The following KIAA1328 variants were observed in gnomAD, a reference collection of about 807,000 sequenced individuals.
KIAA1328 encodes the protein KIAA1328.
Under a neutral mutation model 68.1 loss-of-function variants are expected in KIAA1328, and 52 were observed. The ratio of observed to expected loss-of-function variants is 0.76; its 90% CI spans 0.61 to 0.96. The LOEUF (loss-of-function observed/expected upper bound fraction) is 0.96. KIAA1328 is among the 40% of genes least tolerant of loss of function. The pLI is 0.00. For synonymous variants in KIAA1328, 232 were observed against 239.4 expected, an observed-to-expected ratio of 0.97 and a Z score of 0.28; for missense variants, 641 against 677.6, an observed-to-expected ratio of 0.95 and a Z score of 0.60.
intron 6 of KIAA1328, among the ~76,000 whole-genome samples, chr18:36,973,338 G>T (rs375558740): frequency 4.7e-4 from 71 of 151,584 alleles, no homozygotes; most frequent in African/African-American, 1.6e-3. Flanking sequence ...GTCGGGGGAG[G>T]GGCGAGGGAT....
rs756518965 is a variant in KIAA1328 at position 36,844,216 on chromosome 18, C to T, written c.246C>T (p.Cys82=). 7.0e-6 allele frequency: 11 copies of T among 1,581,670 alleles called. No individual in the cohort carries two copies. In the African/African-American group the frequency reaches 1.4e-4, roughly 20 times the overall value. Residue 82 remains cysteine (C), a synonymous_variant, in exon 4 of 10, where the codon TGC becomes TGT. Coordinates refer to ENST00000280020, the MANE Select transcript of KIAA1328 (RefSeq NM_020776.3). ...AATTTTTTTTTTTTAAGAATTCCTGCAGGGGAGAAATAAAGAGTGCATCAT... is the reference window on the plus strand; with the variant it reads ...AATTTTTTTTTTTTAAGAATTCCTGTAGGGGAGAAATAAAGAGTGCATCAT... ...TGDSVDEQNS[C]RGEIKSASLK...
In KIAA1328 at chr18:36,890,858, T is replaced by C. The variant is rs556898900; in HGVS notation, c.448+5186T>C. Among the ~76,000 whole-genome samples the C allele has an allele frequency of 6.6e-5, 10 of 152,208 alleles. No homozygotes were observed. The South Asian group carries it at 1.9e-3, about 28-fold the overall frequency. ...TGTAATGTAATTCTCCAAAAAGATA[T>C]ATATGAATGAGATTTTTTCTGGAGC... On this transcript the variant is annotated intron_variant, in intron 5 of 9. Coordinates refer to ENST00000280020, the MANE Select transcript of KIAA1328 (RefSeq NM_020776.3).
intron 6 of KIAA1328, among the ~76,000 whole-genome samples, chr18:36,976,990 A>C (rs914339646): frequency 1.3e-5 from 2 of 152,172 alleles, no homozygotes; most frequent in African/African-American, 4.8e-5. Context: ...TACCCCCTAC[A>C]GTGTGGTATC....
intron 9 of KIAA1328, among the ~76,000 whole-genome samples, chr18:37,195,620 T>C (rs2059989428): frequency 6.6e-6 from 1 of 152,222 alleles, no homozygotes; most frequent in Non-Finnish European, 1.5e-5. Context: ...TGTGTGGATT[T>C]ATTTCTGGTT....
chr18:36,983,027 A>T (rs556793814), intron 6 of KIAA1328, among the ~76,000 whole-genome samples: 11 of 152,000 alleles, frequency 7.2e-5, no homozygotes, highest in African/African-American at 9.6e-5. Flanking sequence ...TGGTTTTTTT[A>T]AAAAAATTAA....
At chr18:37,080,096 C>T (rs1484516560) in intron 7 of KIAA1328, among the ~76,000 whole-genome samples, 2 of 152,066 alleles carry the variant, frequency 1.3e-5, no homozygotes, top group East Asian at 3.9e-4. Context: ...GCAGAGAATG[C>T]CTGTTTTCTG....
intron 5 of KIAA1328, among the ~76,000 whole-genome samples, chr18:36,933,334 G>C (rs1019902959): frequency 6.6e-6 from 1 of 152,132 alleles, no homozygotes; most frequent in African/African-American, 2.4e-5. Context: ...CACCAGATCT[G>C]CTCCCGGGCC....
Position 37,090,439 on chromosome 18 carries a change from G to T in KIAA1328, c.1232+22894G>T, listed in dbSNP as rs541809346. 7.9e-5 allele frequency among the ~76,000 whole-genome samples: 12 copies of T among 152,182 alleles called. No individual in the cohort carries two copies. The East Asian group carries it at 2.3e-3, about 29-fold the overall frequency. Reference sequence around the variant, plus strand: ...ATTTTTGTTTAATAATTCTACAAAGGCTTCTCAAGGCTCTATAGTATTCTC... The same window carrying T: ...ATTTTTGTTTAATAATTCTACAAAGTCTTCTCAAGGCTCTATAGTATTCTC... On this transcript the variant is annotated intron_variant, in intron 7 of 9. Coordinates refer to ENST00000280020, the MANE Select transcript of KIAA1328 (RefSeq NM_020776.3).
intron 2 of KIAA1328, 118 bp from the exon 3 acceptor site, chr18:36,835,116 T>C (rs762625995): frequency 5.8e-6 from 4 of 693,432 alleles, no homozygotes; most frequent in Non-Finnish European, 9.4e-6. Flanking sequence ...GTTTATAAAG[T>C]AAGAGAGTTT....
At chr18:36,951,636 C>T (rs78032246) in intron 5 of KIAA1328, among the ~76,000 whole-genome samples, 3 of 152,284 alleles carry the variant, frequency 2.0e-5, no homozygotes, top group Non-Finnish European at 4.4e-5. Flanking sequence ...TCGCTATCTC[C>T]ACTAAACTCT....
At chr18:37,190,299 C>G (rs1336911682) in intron 9 of KIAA1328, among the ~76,000 whole-genome samples, 1 of 152,112 alleles carries the variant, frequency 6.6e-6, no homozygotes, top group Non-Finnish European at 1.5e-5. Flanking sequence ...CCAATTGGAT[C>G]TATACAGAAA....
At chr18:36,902,336 AT>A (rs2049067936) in intron 5 of KIAA1328, 1 of 151,906 alleles carries the variant, frequency 6.6e-6, no homozygotes, top group Non-Finnish European at 1.5e-5. Flanking sequence ...TACCATTTAC[AT>A]TTTTTCTCCC....
intron 8 of KIAA1328, among the ~76,000 whole-genome samples, chr18:37,164,699 T>C (rs1242524775): frequency 3.3e-5 from 5 of 152,132 alleles, no homozygotes; most frequent in Non-Finnish European, 7.4e-5. Context: ...TGAGCCGAGA[T>C]CACTCCACTG....
Position 37,066,894 on chromosome 18 carries a change from C to A in KIAA1328, c.581C>A (p.Ser194Tyr). The A allele has an allele frequency of 6.3e-7, 1 of 1,578,326 alleles. No homozygotes were observed. Among genetic ancestry groups the A allele is most frequent in the Non-Finnish European group, 8.6e-7 (1 of 1,162,566 alleles). Residue 194 changes from serine to tyrosine, a missense_variant, in exon 7 of 10, where the codon TCC becomes TAC. Physicochemically the swap from Ser to Tyr is moderately radical, Grantham distance 144. Transcript: ENST00000280020. ...TGATCTTGTGGTTCTTTCTAGGTAT[C>A]CAGTAGAAAAAGCACTCTCCAGTGT... is the stretch of plus-strand genomic sequence containing the variant. ...GAARMQEQQVSSRKSTLQCSS... is the reference protein window; with the variant it reads ...GAARMQEQQVYSRKSTLQCSS...
intron 6 of KIAA1328, among the ~76,000 whole-genome samples, chr18:36,966,726 G>T (rs2051954061): frequency 6.6e-6 from 1 of 152,166 alleles, no homozygotes; most frequent in Non-Finnish European, 1.5e-5. Context: ...TTTAACAGAA[G>T]TGCAAGACGT....
chr18:37,085,535 G>C lies in KIAA1328; in HGVS notation c.1232+17990G>C, dbSNP rs150349896. The stretch of plus-strand genomic sequence containing the variant: ...ATGTTTCTGATGGGGGAGATGGGAG[G>C]GGCAGGGACGAGTCCTTGAAAGTCC... On this transcript the variant is annotated intron_variant, in intron 7 of 9. Coordinates refer to ENST00000280020, the MANE Select transcript of KIAA1328 (RefSeq NM_020776.3). Among the ~76,000 whole-genome samples, 169 of 152,222 alleles carry C rather than the reference G, an allele frequency of 1.1e-3. 1 individual carries two copies. The East Asian group carries it at 0.02, about 18-fold the overall frequency.
chr18:36,979,084 A>G (rs2052582532), intron 6 of KIAA1328, among the ~76,000 whole-genome samples: 1 of 152,150 alleles, frequency 6.6e-6, no homozygotes, highest in Non-Finnish European at 1.5e-5. Flanking sequence ...ACTTGAGCCC[A>G]GGAGTTCAAG....
chr18:36,873,171 A>G (rs922499648), intron 4 of KIAA1328, among the ~76,000 whole-genome samples: 2 of 152,030 alleles, frequency 1.3e-5, no homozygotes, highest in African/African-American at 4.8e-5. Flanking sequence ...CTTTCCTTCA[A>G]TTTCTCTCTT....
intron 5 of KIAA1328, chr18:36,886,401 A>G (rs1013578806): frequency 6.6e-6 from 1 of 152,176 alleles, no homozygotes; most frequent in Non-Finnish European, 1.5e-5. Context: ...AATTGTTTTT[A>G]CTGTATAGAT....
Sources: gnomAD v4.1 joint callset for allele counts (sites outside exome capture counted in the v4.1 genomes callset) on GRCh38, gnomAD v4.1.1 for gene constraint, MANE v1.5 for transcripts, NCBI Gene and HGNC (gene_info 2026-07-23, HGNC 2026-07-21) for gene names.